C1orf87: variants seen among roughly 807,000 people sequenced by gnomAD.
The protein encoded by C1orf87 is chromosome 1 open reading frame 87, also known as uncharacterized protein C1orf87.
Under a neutral mutation model 60.5 loss-of-function variants are expected in C1orf87, and 58 were observed. That is an observed-to-expected ratio of 0.96 (90% confidence interval 0.78 to 1.19). The LOEUF is 1.19. C1orf87 is among the 50% of genes most tolerant of loss of function. C1orf87 has a pLI of 0.00. For missense variants in C1orf87, 673 were observed against 638.6 expected, an observed-to-expected ratio of 1.05 and a Z score of -0.58; for synonymous variants, 236 against 227.4, an observed-to-expected ratio of 1.04 and a Z score of -0.34.
intron 8 of C1orf87, among the ~76,000 whole-genome samples, chr1:60,011,454 T>C (rs914838994): frequency 6.6e-6 from 1 of 151,926 alleles, no homozygotes; most frequent in African/African-American, 2.4e-5. Flanking sequence ...CCTCACTTCT[T>C]CTCTCTCTCC....
rs1437667682 is a variant in C1orf87 at position 60,025,387 on chromosome 1, A to G, written c.1127+14T>C. The stretch of plus-strand genomic sequence containing the variant: ...TGGATACAAACATTCAGTTCTTAAT[A>G]AGAGTTGACTTACTTTATTTCATTT... On this transcript the variant is annotated intron_variant, in intron 8 of 11. Coordinates refer to ENST00000371201, the MANE Select transcript of C1orf87 (RefSeq NM_152377.3). 3.8e-6 allele frequency: 6 copies of G among 1,590,826 alleles called. No individual in the cohort carries two copies. In the East Asian group the frequency reaches 8.9e-5, roughly 24 times the overall value.
intron 9 of C1orf87, among the ~76,000 whole-genome samples, chr1:60,002,034 C>T (rs968603124): frequency 1.8e-4 from 28 of 152,202 alleles, no homozygotes; most frequent in East Asian, 1.2e-3. Context: ...ATTTATTTTG[C>T]AAGTCTGCGG....
chr1:60,052,873 G>C (rs540219653), intron 3 of C1orf87, among the ~76,000 whole-genome samples: 1 of 152,300 alleles, frequency 6.6e-6, no homozygotes, highest in Non-Finnish European at 1.5e-5. Flanking sequence ...GCCATCTGGC[G>C]GGCCAGCACC....
chr1:60,028,606 C>T (rs1645215572), intron 7 of C1orf87, among the ~76,000 whole-genome samples: 1 of 152,110 alleles, frequency 6.6e-6, no homozygotes, highest in African/African-American at 2.4e-5. Context: ...ATTCATTTCC[C>T]CAAAATGCTC....
chr1:60,061,985 G>A (rs374347667), intron 2 of C1orf87, among the ~76,000 whole-genome samples: 4 of 152,012 alleles, frequency 2.6e-5, no homozygotes, highest in Non-Finnish European at 2.9e-5. Flanking sequence ...ATGATTCTAG[G>A]TGGTTTGGGC....
intron 2 of C1orf87, among the ~76,000 whole-genome samples, chr1:60,064,336 A>ATTT (rs373988594): frequency 1.8e-4 from 14 of 79,454 alleles, no homozygotes; most frequent in Non-Finnish European, 3.4e-4. Flanking sequence ...TATATATACT[A>ATTT]TATATGTAAT....
At chr1:60,057,805 T>C (rs1645467674) in intron 2 of C1orf87, among the ~76,000 whole-genome samples, 2 of 152,150 alleles carry the variant, frequency 1.3e-5, no homozygotes, top group Admixed American at 1.3e-4. Context: ...ACAGCTGCTA[T>C]GAAGAGTGGA....
At chr1:60,016,275 C>T (rs2100264378) in intron 8 of C1orf87, among the ~76,000 whole-genome samples, 1 of 152,244 alleles carries the variant, frequency 6.6e-6, no homozygotes, top group African/African-American at 2.4e-5. Flanking sequence ...CATGGGGTTG[C>T]TGGGATTATG....
At chr1:60,033,422 A>G in intron 7 of C1orf87, 54 bp downstream of exon 7, 2 of 1,537,470 alleles carry the variant, frequency 1.3e-6, no homozygotes, top group Non-Finnish European at 1.8e-6. Context: ...TATAGACCCA[A>G]TGCCCTGAAG....
chr1:60,022,109 A>T (rs1317456508), intron 8 of C1orf87, among the ~76,000 whole-genome samples: 7 of 138,166 alleles, frequency 5.1e-5, no homozygotes, highest in Admixed American at 1.5e-4. Context: ...GAGGACTTTG[A>T]TTTTTTTTTT....
chr1:59,995,116 G>T (rs537451490), intron 11 of C1orf87, among the ~76,000 whole-genome samples: 2 of 152,184 alleles, frequency 1.3e-5, no homozygotes. Context: ...AACAAACTCC[G>T]TTTCTCCTCA....
intron 11 of C1orf87, among the ~76,000 whole-genome samples, chr1:59,994,337 T>C (rs1191721701): frequency 1.3e-5 from 2 of 152,072 alleles, no homozygotes; most frequent in Non-Finnish European, 2.9e-5. Context: ...GTAGTGGGGA[T>C]TCATGGAGAG....
intron 3 of C1orf87, among the ~76,000 whole-genome samples, chr1:60,054,826 T>A (rs911947024): frequency 2.6e-5 from 4 of 152,200 alleles, no homozygotes; most frequent in Non-Finnish European, 5.9e-5. Flanking sequence ...CATTGTATTT[T>A]TAAAATAAAT....
intron 7 of C1orf87, 141 bp downstream of exon 7, chr1:60,033,335 C>T: frequency 1.3e-6 from 1 of 751,162 alleles, no homozygotes; most frequent in South Asian, 3.3e-5. Flanking sequence ...TTGTTTTTCA[C>T]TTCTCAGGCA....
chr1:60,010,741 T>A (rs1420192499), intron 8 of C1orf87: 1 of 264,150 alleles, frequency 3.8e-6, no homozygotes, highest in African/African-American at 2.2e-5. Flanking sequence ...ATCTGGCTGA[T>A]GTCTCAGTTT....
rs1574311277 is a variant in C1orf87 at position 60,032,440 on chromosome 1, T to G, written c.1029+1036A>C. On this transcript the variant is annotated intron_variant, in intron 7 of 11. Coordinates refer to ENST00000371201, the MANE Select transcript of C1orf87 (RefSeq NM_152377.3). ...GCCTCTTTGAGACTCAGGTTTTTTT[T>G]TTTTTTTTTTTTTTTGAGACTGAGT... 2.1e-5 allele frequency among the ~76,000 whole-genome samples: 3 copies of G among 143,410 alleles called. No homozygotes were observed. The South Asian group carries it at 7.2e-4, about 34-fold the overall frequency. 94.1% of individuals were successfully genotyped at this position (143,410 alleles called of 152,430 possible).
chr1:60,029,512 T>C (rs531339012), intron 7 of C1orf87, among the ~76,000 whole-genome samples: 1 of 152,084 alleles, frequency 6.6e-6, no homozygotes, highest in Non-Finnish European at 1.5e-5. Context: ...GCTCCTACTT[T>C]CCATTCTAAA....
At chr1:60,055,505 G>T in intron 2 of C1orf87, 67 bp from the exon 3 acceptor site, 1 of 1,378,378 alleles carries the variant, frequency 7.3e-7, no homozygotes, top group South Asian at 1.2e-5. Context: ...GCTGGCATAA[G>T]AACAGAAGGT....
At chr1:60,018,408 C>G (rs11808570) in intron 8 of C1orf87, among the ~76,000 whole-genome samples, 1,930 of 152,256 alleles carry the variant, frequency 0.013, 28 homozygotes, top group African/African-American at 0.044. Flanking sequence ...TGCACAAAAA[C>G]AGTGAGAAAT....
Sources: allele counts gnomAD v4.1 joint callset (sites outside exome capture counted in the v4.1 genomes callset), GRCh38; gene constraint gnomAD v4.1.1; transcripts MANE v1.5; gene names NCBI Gene and HGNC (gene_info 2026-07-23, HGNC 2026-07-21).